KIFC3: variants seen among roughly 807,000 people sequenced by gnomAD.
KIFC3 encodes kinesin family member C3, also known as kinesin-like protein KIFC3.
KIFC3 carries 60 observed loss-of-function variants against 101.8 expected under a neutral mutation model. That is an observed-to-expected ratio of 0.59 (90% CI 0.48 to 0.73). The LOEUF (loss-of-function observed/expected upper bound fraction) is 0.73. Among genes scored for constraint, KIFC3 ranks in the 30% least tolerant of loss-of-function variants. The pLI, the probability that KIFC3 is intolerant of heterozygous loss-of-function variation, is 0.00. For missense variants in KIFC3, 966 were observed against 1,137.1 expected (o/e 0.85, Z 2.16); for synonymous variants, 476 against 482.7 (o/e 0.99, Z 0.18).
intron 2 of KIFC3, among the ~76,000 whole-genome samples, chr16:57,795,450 A>G (rs2149198207): frequency 6.6e-6 from 1 of 152,338 alleles, no homozygotes; most frequent in East Asian, 1.9e-4. Flanking sequence ...TCTGCTCAGC[A>G]GGGAAGTGGA....
At chr16:57,786,228 A>G (rs2053309136) in intron 3 of KIFC3, among the ~76,000 whole-genome samples, 1 of 152,188 alleles carries the variant, frequency 6.6e-6, no homozygotes, top group South Asian at 2.1e-4. Context: ...GCAAGAACTC[A>G]GCCAGCCGGC....
At chr16:57,791,106 T>C in intron 3 of KIFC3, 1 of 159,618 alleles carries the variant, frequency 6.3e-6, no homozygotes, top group Non-Finnish European at 1.3e-5. Flanking sequence ...GCGTGGTGCC[T>C]GTAATTGCAG....
chr16:57,776,483 T>C, intron 3 of KIFC3: 1 of 874,336 alleles, frequency 1.1e-6, no homozygotes, highest in Non-Finnish European at 1.4e-6. Context: ...GACATCCCCT[T>C]ACCTGCTGGG....
intron 1 of KIFC3, among the ~76,000 whole-genome samples, chr16:57,847,117 G>A (rs566397068): frequency 3.3e-5 from 5 of 151,496 alleles, no homozygotes; most frequent in East Asian, 1.9e-4. Context: ...CACGGGAGGC[G>A]GGGGTTACAG....
At chr16:57,824,409 G>A (rs1165099536) in intron 1 of KIFC3, among the ~76,000 whole-genome samples, 5 of 152,196 alleles carry the variant, frequency 3.3e-5, no homozygotes, top group South Asian at 4.1e-4. Context: ...AGGGCTGGGT[G>A]CAGTGGCTCA....
intron 10 of KIFC3, 93 bp from the exon 11 acceptor site, chr16:57,765,733 T>C (rs2050411269): frequency 7.9e-7 from 1 of 1,263,026 alleles, no homozygotes; most frequent in Non-Finnish European, 1.1e-6. Context: ...CTAGTTGACC[T>C]AGGAGTCCCC....
At position 57,792,166 on chromosome 16, in the gene KIFC3, T is replaced by C. The variant is rs574896987; in HGVS notation, c.315+2833A>G. ...AAAGGGCAGAATCAGTGTGTGTGGA[T>C]GGTCAGGAGAACATGGGGGAGTGGT... is the stretch of plus-strand genomic sequence containing the variant. On this transcript the variant is annotated intron_variant, in intron 3 of 19. Transcript: ENST00000445690. Among the ~76,000 whole-genome samples, 9 of 152,314 alleles carry C rather than the reference T, an allele frequency of 5.9e-5. No individual in the cohort carries two copies. In the East Asian group the frequency reaches 1.7e-3, roughly 29 times the overall value.
intron 18 of KIFC3, 159 bp from the exon 19 acceptor site, chr16:57,759,312 G>C (rs369249757): frequency 1.9e-5 from 16 of 825,328 alleles, no homozygotes; most frequent in South Asian, 3.5e-5. Context: ...GTCCTGTGGC[G>C]GGGCTCACTC....
At chr16:57,792,865 C>CA (rs35129462) in intron 3 of KIFC3, among the ~76,000 whole-genome samples, 1,026 of 38,380 alleles carry the variant, frequency 0.027, 112 homozygotes, top group East Asian at 0.18. Context: ...AGACCTTGCT[C>CA]AAAAAAAAAA....
At chr16:57,827,142 C>T (rs1035566177) in intron 1 of KIFC3, among the ~76,000 whole-genome samples, 2 of 152,218 alleles carry the variant, frequency 1.3e-5, no homozygotes, top group Non-Finnish European at 2.9e-5. Flanking sequence ...TCAGGGTCCG[C>T]ATCAGACTAA....
chr16:57,860,367 C>T (rs1273288038), intron 1 of KIFC3, among the ~76,000 whole-genome samples: 3 of 152,054 alleles, frequency 2.0e-5, no homozygotes, highest in South Asian at 2.1e-4. Context: ...GCAGGAGAAT[C>T]ACTTGAACTT....
chr16:57,758,340 C>A lies in KIFC3; in HGVS notation c.*594G>T. 1 of 273,596 alleles carries A rather than the reference C, an allele frequency of 3.7e-6. No individual in the cohort carries two copies. The highest frequency in any genetic ancestry group is 7.2e-6 in the Non-Finnish European group (1 of 139,328). 16.9% of individuals were successfully genotyped at this position (273,596 alleles called of 1,614,324 possible). A position where few individuals can be genotyped will look rare whatever the true frequency, so the allele number is the denominator to read the frequency against. Reference sequence around the variant, plus strand: ...GCGAGCCAGGCAGGTGAGCGAGCAGCAGAATCCCCCACCCGCTGGCTGCCT... The same window carrying A: ...GCGAGCCAGGCAGGTGAGCGAGCAGAAGAATCCCCCACCCGCTGGCTGCCT... On this transcript the variant is annotated 3_prime_UTR_variant, in exon 20 of 20. Coordinates refer to ENST00000445690, the MANE Select transcript of KIFC3 (RefSeq NM_001130100.2).
chr16:57,841,972 C>T (rs757248428), intron 1 of KIFC3, among the ~76,000 whole-genome samples: 7 of 151,636 alleles, frequency 4.6e-5, no homozygotes, highest in East Asian at 2.0e-4. Context: ...GTCACTTCCT[C>T]GGAGAGGCCT....
intron 1 of KIFC3, 189 bp from the exon 2 acceptor site, chr16:57,798,471 G>C (rs74022053): frequency 5.6e-5 from 34 of 609,798 alleles, no homozygotes; most frequent in East Asian, 5.3e-4. Flanking sequence ...CTGCCTTTTG[G>C]GGGTATTTGT....
chr16:57,815,981 T>C (rs1356682194), intron 1 of KIFC3, among the ~76,000 whole-genome samples: 1 of 152,164 alleles, frequency 6.6e-6, no homozygotes, highest in Non-Finnish European at 1.5e-5. Context: ...GCTTTTACAT[T>C]CTTGAACTTC....
chr16:57,769,087 G>T lies in KIFC3; in HGVS notation c.1218+508C>A, dbSNP rs1180334871. Among the ~76,000 whole-genome samples, 4 of 152,200 alleles carry T rather than the reference G, an allele frequency of 2.6e-5. No homozygotes were observed. The highest frequency in any genetic ancestry group is 9.7e-5 in the African/African-American group (4 of 41,448). On this transcript the variant is annotated intron_variant, in intron 9 of 19. Transcript: ENST00000445690. The surrounding 1 kb of genome is among the most constrained non-coding windows in gnomAD (Gnocchi z 4.3). Reference sequence around the variant, plus strand: ...GTCTCGCTGTCACACAGGCTGAAGTGCAGTGGCATGATCTTGGTTCACCGC... The same window carrying T: ...GTCTCGCTGTCACACAGGCTGAAGTTCAGTGGCATGATCTTGGTTCACCGC...
intron 1 of KIFC3, among the ~76,000 whole-genome samples, chr16:57,821,692 AG>A (rs1555629937): frequency 6.6e-6 from 1 of 152,188 alleles, no homozygotes; most frequent in East Asian, 1.9e-4. Flanking sequence ...TATTATAGGT[AG>A]GAGATAGCTG....
chr16:57,806,496 G>C (rs1398569433), upstream of KIFC3, among the ~76,000 whole-genome samples: 1 of 152,118 alleles, frequency 6.6e-6, no homozygotes, highest in Non-Finnish European at 1.5e-5. Flanking sequence ...TGCTCCTTCA[G>C]GACAGGACCC....
intron 12 of KIFC3, among the ~76,000 whole-genome samples, chr16:57,763,275 C>T (rs2050077669): frequency 6.6e-6 from 1 of 152,172 alleles, no homozygotes; most frequent in African/African-American, 2.4e-5. Flanking sequence ...GTGGTCACCT[C>T]AACACTAAGC....
Sources: gnomAD v4.1 joint callset for allele counts (sites outside exome capture counted in the v4.1 genomes callset) on GRCh38, gnomAD v4.1.1 for gene constraint, Gnocchi (gnomAD v3.1) non-coding constraint, MANE v1.5 for transcripts, NCBI Gene and HGNC (gene_info 2026-07-23, HGNC 2026-07-21) for gene names.